KCNQ1: variants seen among roughly 807,000 people sequenced by gnomAD.
KCNQ1 encodes the protein potassium voltage-gated channel subfamily KQT member 1.
KCNQ1 carries 49 observed loss-of-function variants against 72.4 expected under a neutral mutation model. The observed-to-expected ratio is 0.68, with a 90% CI of 0.54 to 0.86. The LOEUF is 0.86. Among genes scored for constraint, KCNQ1 ranks in the 40% least tolerant of loss-of-function variants. KCNQ1 has a pLI of 0.00. For synonymous variants in KCNQ1, 450 were observed against 412.6 expected, an observed-to-expected ratio of 1.09 and a Z score of -1.10; for missense variants, 790 against 945.1, an observed-to-expected ratio of 0.84 and a Z score of 2.15.
In KCNQ1 at chr11:2,652,384, G is replaced by C. The variant is rs188337484; in HGVS notation, c.1394-9577G>C. ...AAGGTGAAAAGATCGCTCTTAATTA[G>C]ATTAAAAACATTTTTTTCTTCCTGT... is the stretch of plus-strand genomic sequence containing the variant. On this transcript the variant is annotated intron_variant, in intron 10 of 15. Coordinates refer to ENST00000155840, the MANE Select transcript of KCNQ1 (RefSeq NM_000218.3). The surrounding 1 kb of genome is among the most constrained non-coding windows in gnomAD (Gnocchi z 5.9). The C allele has an allele frequency of 5.0e-6, 2 of 398,634 alleles. No individual in the cohort carries two copies. Among genetic ancestry groups the C allele is most frequent in the Admixed American group, 8.8e-5 (2 of 22,734 alleles). 24.7% of individuals were successfully genotyped at this position (398,634 alleles called of 1,614,324 possible).
At chr11:2,616,407 T>C (rs1849065019) in intron 10 of KCNQ1, 1 of 398,024 alleles carries the variant, frequency 2.5e-6, no homozygotes, top group East Asian at 3.6e-5. Context: ...TCTCCACTCA[T>C]ACATATTATT....
intron 11 of KCNQ1, among the ~76,000 whole-genome samples, chr11:2,740,129 C>A (rs1846026955): frequency 6.6e-6 from 1 of 151,980 alleles, no homozygotes; most frequent in Non-Finnish European, 1.5e-5. Context: ...TGGTTGCTCT[C>A]AAACCATGAG....
In KCNQ1 at chr11:2,723,324, G is replaced by A. The variant is rs949286010; in HGVS notation, c.1515-45520G>A. On this transcript the variant is annotated intron_variant, in intron 11 of 15. Transcript: ENST00000155840. This position sits in a 1 kb window ranked among gnomAD's most constrained non-coding sequence, Gnocchi z 4.2. ...ACGAGGAGGCTCCGCAGCCTCCCCC[G>A]GGACACTGCAACCCTCAAGACTCCT... Among the ~76,000 whole-genome samples, 35 of 152,296 alleles carry A rather than the reference G, an allele frequency of 2.3e-4. No individual in the cohort carries two copies. Among genetic ancestry groups the A allele is most frequent in the African/African-American group, 7.9e-4 (33 of 41,562 alleles).
In KCNQ1 at chr11:2,766,661, C is replaced by G. The variant is rs561244622; in HGVS notation, c.1515-2183C>G. ...CCCCTATGCAAAATTCACTCACCCC[C>G]CTCCCGACGATACCTAAAATTCTCA... On this transcript the variant is annotated intron_variant, in intron 11 of 15. Coordinates refer to ENST00000155840, the MANE Select transcript of KCNQ1 (RefSeq NM_000218.3). The surrounding 1 kb of genome is among the most constrained non-coding windows in gnomAD (Gnocchi z 4.4). 6.6e-6 allele frequency among the ~76,000 whole-genome samples: 1 copy of G among 152,182 alleles called. No individual in the cohort carries two copies. Among genetic ancestry groups the G allele is most frequent in the Admixed American group, 6.5e-5 (1 of 15,280 alleles).
chr11:2,626,998 T>C lies in KCNQ1; in HGVS notation c.1394-34963T>C. The C allele has an allele frequency of 5.0e-6, 2 of 398,618 alleles. No individual in the cohort carries two copies. Among genetic ancestry groups the C allele is most frequent in the Non-Finnish European group, 8.8e-6 (2 of 226,056 alleles). 24.7% of individuals were successfully genotyped at this position (398,618 alleles called of 1,614,324 possible). On this transcript the variant is annotated intron_variant, in intron 10 of 15. Coordinates refer to ENST00000155840, the MANE Select transcript of KCNQ1 (RefSeq NM_000218.3). This position sits in a 1 kb window ranked among gnomAD's most constrained non-coding sequence, Gnocchi z 4.0. ...TTTTATTGGGATTACCTTGGATTTGTAGATTGTTTTGTGTGGTACTGACAC... is the reference window on the plus strand; with the variant it reads ...TTTTATTGGGATTACCTTGGATTTGCAGATTGTTTTGTGTGGTACTGACAC...
chr11:2,730,045 G>A (rs187352114), intron 11 of KCNQ1, among the ~76,000 whole-genome samples: 3 of 152,278 alleles, frequency 2.0e-5, no homozygotes, highest in Admixed American at 6.5e-5. Flanking sequence ...CTGGGACCCC[G>A]AGAGCTAGGA....
At position 2,624,649 on chromosome 11, in the gene KCNQ1, A is replaced by T. The variant is rs372556745; in HGVS notation, c.1393+35795A>T. 8 of 398,484 alleles carry T rather than the reference A, an allele frequency of 2.0e-5. No individual in the cohort carries two copies. The highest frequency in any genetic ancestry group is 2.5e-4 in the South Asian group (2 of 7,860). 24.7% of individuals were successfully genotyped at this position (398,484 alleles called of 1,614,324 possible). On this transcript the variant is annotated intron_variant, in intron 10 of 15. Transcript: ENST00000155840. The surrounding 1 kb of genome is among the most constrained non-coding windows in gnomAD (Gnocchi z 4.9). ...TTCAGTGAATGTATTAGATACGTTC[A>T]CAATGCTGTGCAATCATCACTATCA...
At chr11:2,774,282 A>G (rs969401614) in intron 12 of KCNQ1, among the ~76,000 whole-genome samples, 18 of 152,026 alleles carry the variant, frequency 1.2e-4, no homozygotes, top group African/African-American at 3.1e-4. Flanking sequence ...CTAGAGTCCA[A>G]CCCCATGCCT....
At chr11:2,590,891 C>A (rs1278102467) in intron 10 of KCNQ1, among the ~76,000 whole-genome samples, 1 of 152,210 alleles carries the variant, frequency 6.6e-6, no homozygotes, top group East Asian at 1.9e-4. Flanking sequence ...GGGTTCTATG[C>A]CTGGCAGAGG....
Position 2,768,331 on chromosome 11 carries a change from C to G in KCNQ1, c.1515-513C>G, listed in dbSNP as rs1846532640. Reference sequence around the variant, plus strand: ...GGCAAAAACAGCGCAGCCCCCTTAACAGAGTGGCTCTGGTGGCAACTTTCC... The same window carrying G: ...GGCAAAAACAGCGCAGCCCCCTTAAGAGAGTGGCTCTGGTGGCAACTTTCC... On this transcript the variant is annotated intron_variant, in intron 11 of 15. Transcript: ENST00000155840. This position sits in a 1 kb window ranked among gnomAD's most constrained non-coding sequence, Gnocchi z 6.7. Among the ~76,000 whole-genome samples, 1 of 152,214 alleles carries G rather than the reference C, an allele frequency of 6.6e-6. No individual in the cohort carries two copies. Among genetic ancestry groups the G allele is most frequent in the Admixed American group, 6.5e-5 (1 of 15,288 alleles).
At chr11:2,811,045 G>T (rs907696916) in intron 15 of KCNQ1, among the ~76,000 whole-genome samples, 4 of 152,192 alleles carry the variant, frequency 2.6e-5, no homozygotes, top group Non-Finnish European at 5.9e-5. Flanking sequence ...ACTCACCCCC[G>T]CCCAGTCTTG....
rs1156843991 is a variant in KCNQ1 at position 2,669,645 on chromosome 11, A to C, written c.1514+7564A>C. 5.0e-6 allele frequency: 2 copies of C among 398,488 alleles called. No individual in the cohort carries two copies. The highest frequency in any genetic ancestry group is 4.1e-5 in the African/African-American group (2 of 48,618). 24.7% of individuals were successfully genotyped at this position (398,488 alleles called of 1,614,324 possible). ...TCAGCCTCAGTTTCCTCTTGTATAC[A>C]TTGGGAGTATATCTCACAGTATTAG... On this transcript the variant is annotated intron_variant, in intron 11 of 15. Transcript: ENST00000155840. This position sits in a 1 kb window ranked among gnomAD's most constrained non-coding sequence, Gnocchi z 5.6.
intron 11 of KCNQ1, among the ~76,000 whole-genome samples, chr11:2,754,617 G>T (rs1347115460): frequency 2.0e-5 from 3 of 152,196 alleles, no homozygotes; most frequent in African/African-American, 7.2e-5. Context: ...AGGAGGTGTT[G>T]CAGGTTGCTG....
chr11:2,584,574 T>A (rs535582233), intron 7 of KCNQ1, among the ~76,000 whole-genome samples: 3 of 152,054 alleles, frequency 2.0e-5, no homozygotes, highest in East Asian at 3.9e-4. Context: ...TGTGTGTTAG[T>A]GTTTGTGTGT....
chr11:2,744,376 C>A (rs1846103527), intron 11 of KCNQ1, among the ~76,000 whole-genome samples: 1 of 152,240 alleles, frequency 6.6e-6, no homozygotes, highest in African/African-American at 2.4e-5. Flanking sequence ...CCTGCAGAGC[C>A]TTCTGGGAGG....
rs1488232880 is a variant in KCNQ1, at chr11:2,711,030, A to G, written c.1514+48949A>G. 6.6e-6 allele frequency among the ~76,000 whole-genome samples: 1 copy of G among 152,236 alleles called. No homozygotes were observed. The highest frequency in any genetic ancestry group is 1.5e-5 in the Non-Finnish European group (1 of 68,050). On this transcript the variant is annotated intron_variant, in intron 11 of 15. Coordinates refer to ENST00000155840, the MANE Select transcript of KCNQ1 (RefSeq NM_000218.3). This position sits in a 1 kb window ranked among gnomAD's most constrained non-coding sequence, Gnocchi z 5.4. The stretch of plus-strand genomic sequence containing the variant: ...TGCAAAGAAACCATCTGGGATACCA[A>G]TAGGGATTGCATTGAATCTGTAGGT...
intron 11 of KCNQ1, among the ~76,000 whole-genome samples, chr11:2,721,264 A>T (rs991924783): frequency 6.6e-6 from 1 of 152,144 alleles, no homozygotes; most frequent in Non-Finnish European, 1.5e-5. Flanking sequence ...GGTCGAGTTA[A>T]AAGGCAGCAC....
In KCNQ1 at chr11:2,538,073, C is replaced by T. The variant is rs1847764623; in HGVS notation, c.477+10055C>T. ...TAAGTTGGAGGCAGTATGACCGTTT[C>T]TCCGTATAAAGCCCGTGTATATCCT... On this transcript the variant is annotated intron_variant, in intron 2 of 15. Transcript: ENST00000155840. The surrounding 1 kb of genome is among the most constrained non-coding windows in gnomAD (Gnocchi z 6.7). 6.6e-6 allele frequency among the ~76,000 whole-genome samples: 1 copy of T among 152,166 alleles called. No homozygotes were observed. The highest frequency in any genetic ancestry group is 1.5e-5 in the Non-Finnish European group (1 of 68,026).
intron 15 of KCNQ1, among the ~76,000 whole-genome samples, chr11:2,845,039 C>T (rs396441): frequency 2.0e-5 from 3 of 152,224 alleles, no homozygotes; most frequent in South Asian, 4.1e-4. Flanking sequence ...GTCTCTGGGC[C>T]TCAGTTTCCT....
Sources: gnomAD v4.1 joint callset for allele counts (sites outside exome capture counted in the v4.1 genomes callset) on GRCh38, gnomAD v4.1.1 for gene constraint, Gnocchi (gnomAD v3.1) non-coding constraint, MANE v1.5 for transcripts, NCBI Gene and HGNC (gene_info 2026-07-23, HGNC 2026-07-21) for gene names.